Variants in CNTN4 observed in about 807,000 individuals in gnomAD.
CNTN4 encodes the protein contactin 4, also known as contactin-4.
A neutral mutation model predicts 122.5 loss-of-function variants in CNTN4; 77 were observed. The ratio of observed to expected loss-of-function variants is 0.63; its 90% confidence interval spans 0.52 to 0.76. The LOEUF is 0.76. Among genes scored for constraint, CNTN4 ranks in the 30% least tolerant of loss-of-function variants. The probability of loss-of-function intolerance (pLI) is 0.00; values close to 1 mark genes in which losing one functional copy is unlikely to be tolerated. For synonymous variants in CNTN4, 512 were observed against 447.0 expected (o/e 1.15, Z -1.83); for missense variants, 1,256 against 1,259.1 (o/e 1.00, Z 0.04).
At position 2,770,030 on chromosome 3, in the gene CNTN4, TG is replaced by T. The variant is rs1490732063; in HGVS notation, c.358+24334del. On this transcript the variant is annotated intron_variant, in intron 6 of 24. Transcript: ENST00000418658. The stretch of plus-strand genomic sequence containing the variant: ...CTCTGTCTCTTTTTGTTTGTTTGTT[TG>T]TTTGTTTTTTTTTTTTGAGACGAAG... 8.4e-5 allele frequency among the ~76,000 whole-genome samples: 12 copies of T among 143,488 alleles called. No homozygotes were observed. The East Asian group carries it at 8.6e-4, about 10-fold the overall frequency. The allele number at this position is 143,488 out of a possible 152,430, so 94.1% of individuals were successfully genotyped here. A position where few individuals can be genotyped will look rare whatever the true frequency, so the allele number is the denominator to read the frequency against.
At chr3:2,729,378 C>CGGTGAAATCCCGTCTTT (rs2088488741) in intron 4 of CNTN4, among the ~76,000 whole-genome samples, 1 of 150,288 alleles carries the variant, frequency 6.7e-6, no homozygotes, top group Non-Finnish European at 1.5e-5. Flanking sequence ...TCCCGGCTAA[C>CGGTGAAATCCCGTCTTT]ACAAAATTAA....
In CNTN4 at chr3:2,989,611, A is replaced by G. The variant is rs144678522; in HGVS notation, c.1486+1139A>G. Among the ~76,000 whole-genome samples the G allele has an allele frequency of 4.9e-4, 74 of 152,300 alleles. 2 individuals are homozygous for G. The East Asian group carries it at 0.014, about 29-fold the overall frequency. Reference sequence around the variant, plus strand: ...CATTAACATACTTGACCATGCAGATAGAAAATTGGAAGTCCAAGAGTTAGA... The same window carrying G: ...CATTAACATACTTGACCATGCAGATGGAAAATTGGAAGTCCAAGAGTTAGA... On this transcript the variant is annotated intron_variant, in intron 14 of 24. Transcript: ENST00000418658.
intron 6 of CNTN4, among the ~76,000 whole-genome samples, chr3:2,798,362 CATAA>C (rs1227195333): frequency 1.9e-4 from 1 of 5,190 alleles, no homozygotes; most frequent in Non-Finnish European, 1.9e-3. Flanking sequence ...TCTATACACA[CATAA>C]ATCTATCTAT....
chr3:2,359,191 C>A (rs571151845), intron 3 of CNTN4, among the ~76,000 whole-genome samples: 5 of 152,270 alleles, frequency 3.3e-5, no homozygotes, highest in South Asian at 2.1e-4. Flanking sequence ...CCCAAAGATA[C>A]ATCTGCACCA....
At chr3:2,236,779 C>G (rs1202181723) in intron 2 of CNTN4, among the ~76,000 whole-genome samples, 4 of 152,172 alleles carry the variant, frequency 2.6e-5, no homozygotes, top group Non-Finnish European at 4.4e-5. Flanking sequence ...GGATGCCACT[C>G]TCATTTGGTG....
chr3:2,820,961 CTTT>C (rs67731967), intron 7 of CNTN4, among the ~76,000 whole-genome samples: 3 of 107,576 alleles, frequency 2.8e-5, no homozygotes, highest in Non-Finnish European at 3.6e-5. Context: ...TTTTCTCTTT[CTTT>C]TTTTTTTTTT....
intron 3 of CNTN4, among the ~76,000 whole-genome samples, chr3:2,417,636 A>C (rs3937932): frequency 0.32 from 48,917 of 152,062 alleles, 8,083 homozygotes; most frequent in Admixed American, 0.39. Context: ...CTTGAGATTT[A>C]CCCGAAGGAG....
At chr3:3,049,136 G>A (rs1486872900) in intron 23 of CNTN4, among the ~76,000 whole-genome samples, 2 of 152,212 alleles carry the variant, frequency 1.3e-5, no homozygotes, top group Admixed American at 6.5e-5. Context: ...AAGGTGGAGT[G>A]TAGTGGTACA....
In CNTN4 at chr3:2,142,331, C is replaced by G. The variant is rs78791714; in HGVS notation, c.-145+41692C>G. ...TAGAGCTAGAGACTTTGTCTGCTCT[C>G]CTGACTTTTTGATATTCTTTCTTTC... On this transcript the variant is annotated intron_variant, in intron 2 of 24. Coordinates refer to ENST00000418658, the MANE Select transcript of CNTN4 (RefSeq NM_175607.3). Among the ~76,000 whole-genome samples the G allele has an allele frequency of 1.7e-3, 251 of 152,072 alleles. 1 individual carries two copies. The highest frequency in any genetic ancestry group is 5.8e-3 in the African/African-American group (241 of 41,508).
chr3:2,962,924 T>A (rs564141260), intron 13 of CNTN4, among the ~76,000 whole-genome samples: 4 of 152,164 alleles, frequency 2.6e-5, no homozygotes, highest in African/African-American at 9.7e-5. Context: ...GCCCTCTTAG[T>A]TGGTGTTAAT....
intron 2 of CNTN4, among the ~76,000 whole-genome samples, chr3:2,286,234 C>T (rs1281653218): frequency 1.5e-4 from 1 of 6,500 alleles, no homozygotes; most frequent in Non-Finnish European, 7.7e-4. Context: ...CATACACCCC[C>T]TGCCCCCCCC....
intron 3 of CNTN4, among the ~76,000 whole-genome samples, chr3:2,494,724 AC>A (rs551543023): frequency 3.5e-4 from 53 of 152,292 alleles, no homozygotes; most frequent in South Asian, 8.3e-4. Flanking sequence ...AGGGTAAAAT[AC>A]TTTGATTTCT....
At chr3:2,508,916 G>A (rs2076809599) in intron 3 of CNTN4, among the ~76,000 whole-genome samples, 2 of 151,978 alleles carry the variant, frequency 1.3e-5, no homozygotes, top group Non-Finnish European at 2.9e-5. Context: ...TATTTTAAGT[G>A]GTATATCTCT....
At chr3:2,486,197 T>C (rs2076156795) in intron 3 of CNTN4, among the ~76,000 whole-genome samples, 2 of 151,950 alleles carry the variant, frequency 1.3e-5, no homozygotes, top group South Asian at 4.2e-4. Context: ...GCCCGCGAGA[T>C]CAGGAACCCA....
chr3:2,328,288 C>A (rs991614661), intron 2 of CNTN4, among the ~76,000 whole-genome samples: 2 of 150,572 alleles, frequency 1.3e-5, no homozygotes, highest in African/African-American at 4.9e-5. Context: ...CGCCTGTAGT[C>A]CCAGCTACTC....
chr3:2,411,967 C>A (rs1280026900), intron 3 of CNTN4, among the ~76,000 whole-genome samples: 5 of 152,098 alleles, frequency 3.3e-5, no homozygotes, highest in Admixed American at 2.0e-4. Context: ...TCTTTTACTC[C>A]TTGTCTGTCA....
intron 3 of CNTN4, among the ~76,000 whole-genome samples, chr3:2,479,600 C>CA (rs2075930875): frequency 6.6e-6 from 1 of 152,176 alleles, no homozygotes; most frequent in South Asian, 2.1e-4. Flanking sequence ...CCATAGTACT[C>CA]AACCAGTGAG....
At chr3:2,781,038 A>G (rs1431796628) in intron 6 of CNTN4, among the ~76,000 whole-genome samples, 1 of 152,168 alleles carries the variant, frequency 6.6e-6, no homozygotes, top group African/African-American at 2.4e-5. Flanking sequence ...AAAAATCTCA[A>G]AGCAGTAGAA....
At chr3:2,975,743 G>T (rs773046543) in intron 13 of CNTN4, among the ~76,000 whole-genome samples, 5 of 151,816 alleles carry the variant, frequency 3.3e-5, no homozygotes, top group African/African-American at 7.3e-5. Context: ...CTTCCTGAGT[G>T]CTTTATATAT....
Sources: gnomAD v4.1 joint callset for allele counts (sites outside exome capture counted in the v4.1 genomes callset) on GRCh38, gnomAD v4.1.1 for gene constraint, MANE v1.5 for transcripts, NCBI Gene and HGNC (gene_info 2026-07-23, HGNC 2026-07-21) for gene names.